Variants in IMMP1L observed in about 807,000 individuals in gnomAD.
IMMP1L encodes inner mitochondrial membrane peptidase subunit 1.
IMMP1L carries 24 observed loss-of-function variants against 21.8 expected under a neutral mutation model. That is an observed-to-expected ratio of 1.10 (90% CI 0.80 to 1.55). IMMP1L has a LOEUF of 1.55. Ranked by LOEUF, IMMP1L falls within the 40% of genes most tolerant of loss-of-function variation. The pLI is 0.00. For synonymous variants in IMMP1L, 46 were observed against 62.8 expected (o/e 0.73, Z 1.26); for missense variants, 195 against 200.7 (o/e 0.97, Z 0.17).
At chr11:31,506,726 C>A (rs1416541100) in intron 1 of IMMP1L, among the ~76,000 whole-genome samples, 3 of 150,334 alleles carry the variant, frequency 2.0e-5, no homozygotes, top group Non-Finnish European at 1.5e-5. Flanking sequence ...CTTTGGGAAG[C>A]CGAGGCGGGT....
At chr11:31,482,326 A>C (rs1954922140) in intron 1 of IMMP1L, among the ~76,000 whole-genome samples, 1 of 152,124 alleles carries the variant, frequency 6.6e-6, no homozygotes, top group Non-Finnish European at 1.5e-5. Flanking sequence ...TTAAACAAGA[A>C]TTAAAAAGCA....
chr11:31,481,000 A>G (rs1461578744), intron 1 of IMMP1L, among the ~76,000 whole-genome samples: 5 of 152,210 alleles, frequency 3.3e-5, no homozygotes, highest in African/African-American at 1.2e-4. Context: ...TTACACAAAC[A>G]TGGAATGAAG....
chr11:31,469,048 A>T (rs1954457434), intron 1 of IMMP1L, among the ~76,000 whole-genome samples: 1 of 152,162 alleles, frequency 6.6e-6, no homozygotes, highest in African/African-American at 2.4e-5. Flanking sequence ...TTTCCTTAAC[A>T]ACAAAATATT....
At chr11:31,456,840 C>T (rs951767441) in intron 3 of IMMP1L, among the ~76,000 whole-genome samples, 1 of 112,286 alleles carries the variant, frequency 8.9e-6, no homozygotes, top group African/African-American at 3.6e-5. Flanking sequence ...AGGCTAAGAT[C>T]GTGCCACCAT....
chr11:31,480,130 T>C (rs1223091), intron 1 of IMMP1L, among the ~76,000 whole-genome samples: 13,451 of 152,062 alleles, frequency 0.088, 1,638 homozygotes, highest in African/African-American at 0.27. Context: ...GCTCAAAAGA[T>C]AGCAACTTCA....
chr11:31,485,132 C>T (rs1000993771), intron 1 of IMMP1L, among the ~76,000 whole-genome samples: 1 of 151,782 alleles, frequency 6.6e-6, no homozygotes, highest in African/African-American at 2.4e-5. Context: ...TCCTAAACCA[C>T]TTAAATGTTT....
In IMMP1L at chr11:31,494,647, CT is replaced by C. The variant is rs879666703; in HGVS notation, c.-30+14871del. ...ATAGTCAGGCTGCAAATTTTCCAAA[CT>C]TTTTTTTTTTTGAAAAGTAGTCTCA... is the stretch of plus-strand genomic sequence containing the variant. On this transcript the variant is annotated intron_variant, in intron 1 of 5. Transcript: ENST00000532287. 3.7e-3 allele frequency among the ~76,000 whole-genome samples: 540 copies of C among 146,948 alleles called. 2 individuals carry two copies. The highest frequency in any genetic ancestry group is 4.6e-3 in the Non-Finnish European group (304 of 66,218).
At chr11:31,460,941 T>C (rs554238295) in intron 2 of IMMP1L, among the ~76,000 whole-genome samples, 1 of 152,168 alleles carries the variant, frequency 6.6e-6, no homozygotes, top group African/African-American at 2.4e-5. Context: ...CACATTATAA[T>C]GCCTGAATAA....
chr11:31,460,774 C>A, intron 2 of IMMP1L, 60 bp from the exon 3 acceptor site: 1 of 1,144,022 alleles, frequency 8.7e-7, no homozygotes, highest in Non-Finnish European at 1.3e-6. Context: ...TAACATAAAT[C>A]TTTTAAGCAA....
chr11:31,467,581 T>C (rs892580546), intron 1 of IMMP1L, among the ~76,000 whole-genome samples: 1 of 151,976 alleles, frequency 6.6e-6, no homozygotes, highest in Non-Finnish European at 1.5e-5. Flanking sequence ...AAATTAAAAA[T>C]GAAATTTTTA....
intron 1 of IMMP1L, among the ~76,000 whole-genome samples, chr11:31,507,085 C>A (rs1308650858): frequency 6.6e-6 from 1 of 152,080 alleles, no homozygotes; most frequent in African/African-American, 2.4e-5. Flanking sequence ...TGAGACCATC[C>A]TGGCTAACAC....
chr11:31,432,626 A>G (rs372250112), intron 5 of IMMP1L, 58 bp from the exon 6 acceptor site: 64 of 1,128,244 alleles, frequency 5.7e-5, no homozygotes, highest in Non-Finnish European at 7.6e-5. Flanking sequence ...TAGTATCATC[A>G]TATTCCCTTT....
intron 4 of IMMP1L, among the ~76,000 whole-genome samples, chr11:31,451,440 G>A (rs1458672535): frequency 6.6e-6 from 1 of 152,146 alleles, no homozygotes; most frequent in East Asian, 1.9e-4. Flanking sequence ...GCAAAACGTG[G>A]TTTGATTCTG....
intron 1 of IMMP1L, among the ~76,000 whole-genome samples, chr11:31,470,546 T>C (rs932797346): frequency 6.6e-6 from 1 of 151,618 alleles, no homozygotes. Context: ...ACAAAAATAT[T>C]TTACAGGACA....
rs531016512 is a variant in IMMP1L, at chr11:31,456,938, C to G, written c.195-552G>C. On this transcript the variant is annotated intron_variant, in intron 3 of 5. Coordinates refer to ENST00000532287, the MANE Select transcript of IMMP1L (RefSeq NM_001304274.2). ...CAAAACAAACAAACCAAGAAAAACCCCAAGTGAACCAAAAAAAGAAAAAAA... is the reference window on the plus strand; with the variant it reads ...CAAAACAAACAAACCAAGAAAAACCGCAAGTGAACCAAAAAAAGAAAAAAA... Among the ~76,000 whole-genome samples the G allele has an allele frequency of 4.7e-4, 10 of 21,154 alleles. No homozygotes were observed. In the South Asian group the frequency reaches 0.028, roughly 59 times the overall value. 13.9% of individuals were successfully genotyped at this position (21,154 alleles called of 152,430 possible).
chr11:31,500,463 C>A (rs1215262833), intron 1 of IMMP1L, among the ~76,000 whole-genome samples: 6 of 152,184 alleles, frequency 3.9e-5, no homozygotes, highest in Middle Eastern at 3.4e-3. Context: ...TCTGCCACCA[C>A]CTTCTCCCAT....
chr11:31,444,102 A>G (rs1953433711), intron 4 of IMMP1L, among the ~76,000 whole-genome samples: 1 of 152,202 alleles, frequency 6.6e-6, no homozygotes, highest in African/African-American at 2.4e-5. Context: ...ACAGTCACAC[A>G]TAGTCCTGAG....
chr11:31,453,385 CAT>C (rs1953824909), intron 4 of IMMP1L, among the ~76,000 whole-genome samples: 1 of 152,142 alleles, frequency 6.6e-6, no homozygotes, highest in Admixed American at 6.5e-5. Flanking sequence ...GAATTCAAAA[CAT>C]ATTTTAATAT....
At chr11:31,464,128 A>G (rs1049755988) in intron 1 of IMMP1L, among the ~76,000 whole-genome samples, 2 of 152,186 alleles carry the variant, frequency 1.3e-5, no homozygotes, top group South Asian at 4.1e-4. Context: ...ATTAAAATAT[A>G]TCGATAATAA....
Sources: allele counts gnomAD v4.1 joint callset (sites outside exome capture counted in the v4.1 genomes callset), GRCh38; gene constraint gnomAD v4.1.1; transcripts MANE v1.5; gene names NCBI Gene and HGNC (gene_info 2026-07-23, HGNC 2026-07-21).